The following ALCAM variants were observed in gnomAD, a reference collection of about 807,000 sequenced individuals.
ALCAM encodes activated leukocyte cell adhesion molecule, also known as CD166 antigen.
ALCAM carries 30 observed loss-of-function variants against 70.9 expected under a neutral mutation model. The observed-to-expected ratio is 0.42, with a 90% CI of 0.32 to 0.57. The LOEUF (loss-of-function observed/expected upper bound fraction) is 0.57, where lower values mean the gene tolerates loss of function less well. Among genes scored for constraint, ALCAM ranks in the 20% least tolerant of loss-of-function variants. The pLI is 0.11. For missense variants in ALCAM, 591 were observed against 695.1 expected, an observed-to-expected ratio of 0.85 and a Z score of 1.68; for synonymous variants, 249 against 242.5, an observed-to-expected ratio of 1.03 and a Z score of -0.25.
chr3:105,472,662 T>C (rs953924051), intron 1 of ALCAM, among the ~76,000 whole-genome samples: 7 of 151,514 alleles, frequency 4.6e-5, no homozygotes, highest in African/African-American at 1.2e-4. Context: ...GGCACTTTCT[T>C]GTTCCAGGCA....
chr3:105,478,148 T>C (rs1938172054), intron 1 of ALCAM, among the ~76,000 whole-genome samples: 1 of 152,140 alleles, frequency 6.6e-6, no homozygotes, highest in Non-Finnish European at 1.5e-5. Flanking sequence ...ACATTTTCAA[T>C]GTTATGTTAC....
intron 1 of ALCAM, among the ~76,000 whole-genome samples, chr3:105,504,883 C>A (rs769141270): frequency 6.6e-6 from 1 of 152,150 alleles, no homozygotes; most frequent in Non-Finnish European, 1.5e-5. Flanking sequence ...TTCCCTTCCC[C>A]CTTCTGTATC....
chr3:105,498,509 G>A (rs1207196508), intron 1 of ALCAM, among the ~76,000 whole-genome samples: 1 of 151,994 alleles, frequency 6.6e-6, no homozygotes, highest in East Asian at 1.9e-4. Context: ...ATGTGTGTGT[G>A]TGTGTGTGTG....
chr3:105,573,626 C>G (rs778811264), intron 15 of ALCAM, among the ~76,000 whole-genome samples: 25 of 152,138 alleles, frequency 1.6e-4, no homozygotes, highest in Admixed American at 1.3e-3. Flanking sequence ...GGCATTGCCA[C>G]CTGCAATTTG....
At chr3:105,513,353 C>T (rs1270435832) in intron 1 of ALCAM, 1 of 151,870 alleles carries the variant, frequency 6.6e-6, no homozygotes, top group Non-Finnish European at 1.5e-5. Flanking sequence ...CTTTTAGTGA[C>T]ATTTCAAATG....
At chr3:105,507,167 C>G (rs1480861476) in intron 1 of ALCAM, among the ~76,000 whole-genome samples, 2 of 152,054 alleles carry the variant, frequency 1.3e-5, no homozygotes, top group Non-Finnish European at 2.9e-5. Flanking sequence ...TATATAGGCC[C>G]GCAATTCCCT....
intron 1 of ALCAM, among the ~76,000 whole-genome samples, chr3:105,497,138 A>G (rs1054354733): frequency 6.6e-6 from 1 of 152,290 alleles, no homozygotes. Flanking sequence ...AACCGTAAGA[A>G]TGTTTTCTTC....
intron 15 of ALCAM, among the ~76,000 whole-genome samples, chr3:105,573,809 G>A (rs1940906098): frequency 6.6e-6 from 1 of 152,176 alleles, no homozygotes; most frequent in Non-Finnish European, 1.5e-5. Context: ...GTCACAATTT[G>A]AGTGGGTCAT....
At chr3:105,482,772 C>T (rs9846962) in intron 1 of ALCAM, among the ~76,000 whole-genome samples, 14,787 of 152,016 alleles carry the variant, frequency 0.097, 799 homozygotes, top group South Asian at 0.17. Context: ...ATGTAATTTG[C>T]TAGTTAATTG....
intron 15 of ALCAM, among the ~76,000 whole-genome samples, chr3:105,573,488 ATGTG>A (rs1458776230): frequency 1.3e-5 from 2 of 152,298 alleles, no homozygotes; most frequent in African/African-American, 4.8e-5. Flanking sequence ...TAGTATATGT[ATGTG>A]TATGTGTATA....
chr3:105,419,886 T>C (rs1234678844), intron 1 of ALCAM, among the ~76,000 whole-genome samples: 1 of 151,798 alleles, frequency 6.6e-6, no homozygotes, highest in African/African-American at 2.4e-5. Context: ...AATAAACATA[T>C]AATTCATTTC....
At chr3:105,510,070 A>C (rs537752553) in intron 1 of ALCAM, among the ~76,000 whole-genome samples, 4 of 152,100 alleles carry the variant, frequency 2.6e-5, no homozygotes, top group Non-Finnish European at 5.9e-5. Flanking sequence ...TCTGAAAAGC[A>C]GATGTCAAAA....
chr3:105,376,158 G>A (rs967473508), intron 1 of ALCAM, among the ~76,000 whole-genome samples: 48 of 152,044 alleles, frequency 3.2e-4, no homozygotes, highest in Non-Finnish European at 1.5e-4. Flanking sequence ...AGGATTAGAG[G>A]CATGGAATTT....
At chr3:105,492,679 G>A (rs1439808189) in intron 1 of ALCAM, among the ~76,000 whole-genome samples, 1 of 152,136 alleles carries the variant, frequency 6.6e-6, no homozygotes, top group Non-Finnish European at 1.5e-5. Flanking sequence ...AGACAAAAAT[G>A]TAATAATACA....
At chr3:105,545,161 A>T in intron 8 of ALCAM, 62 bp from the exon 9 acceptor site, 1 of 1,118,494 alleles carries the variant, frequency 8.9e-7, no homozygotes, top group Non-Finnish European at 1.4e-6. Flanking sequence ...TTTCTTCTCC[A>T]AAATATTTTG....
intron 1 of ALCAM, among the ~76,000 whole-genome samples, chr3:105,408,156 A>G (rs755370501): frequency 6.6e-6 from 1 of 152,040 alleles, no homozygotes. Context: ...TACAAATTCA[A>G]TGCAATTCCC....
rs1055449526 is a variant in ALCAM, at chr3:105,524,820, C to A, written c.394+312C>A. 7 of 1,099,414 alleles carry A rather than the reference C, an allele frequency of 6.4e-6. No individual in the cohort carries two copies. In the East Asian group the frequency reaches 3.8e-4, roughly 60 times the overall value. 68.1% of individuals were successfully genotyped at this position (1,099,414 alleles called of 1,614,324 possible). On this transcript the variant is annotated intron_variant, in intron 3 of 15. Transcript: ENST00000306107. ...TGATCTTAATTTTTACTGACATGTA[C>A]AAATAAGTGTTGTGTGATACATACA...
chr3:105,490,506 T>A (rs1449588829), intron 1 of ALCAM, among the ~76,000 whole-genome samples: 1 of 152,206 alleles, frequency 6.6e-6, no homozygotes, highest in East Asian at 1.9e-4. Context: ...GTATATTTTC[T>A]GTTCACATTT....
At chr3:105,557,295 T>C (rs1168487308) in intron 14 of ALCAM, among the ~76,000 whole-genome samples, 1 of 152,028 alleles carries the variant, frequency 6.6e-6, no homozygotes, top group East Asian at 1.9e-4. Flanking sequence ...CTCACTATCT[T>C]ATCAAACCAT....
Sources: allele counts gnomAD v4.1 joint callset (sites outside exome capture counted in the v4.1 genomes callset), GRCh38; gene constraint gnomAD v4.1.1; transcripts MANE v1.5; gene names NCBI Gene and HGNC (gene_info 2026-07-23, HGNC 2026-07-21).